SRRM4: variants seen among roughly 807,000 people sequenced by gnomAD.
SRRM4 encodes the protein serine/arginine repetitive matrix 4, also known as serine/arginine repetitive matrix protein 4.
A neutral mutation model predicts 68.9 loss-of-function variants in SRRM4; 33 were observed. The observed-to-expected ratio is 0.48, with a 90% confidence interval of 0.36 to 0.64. The LOEUF (loss-of-function observed/expected upper bound fraction) is 0.64. Among genes scored for constraint, SRRM4 ranks in the 30% least tolerant of loss-of-function variants. The pLI is 0.00. For synonymous variants in SRRM4, 318 were observed against 318.8 expected (o/e 1.00, Z 0.03); for missense variants, 817 against 827.1 (o/e 0.99, Z 0.15).
rs552963757 is a variant in SRRM4 at position 119,081,417 on chromosome 12, C to T, written c.132-20819C>T. On this transcript the variant is annotated intron_variant, in intron 1 of 12. Transcript: ENST00000267260. ...AGTGTTCTAGGCAGTGGGAACAGCC[C>T]GTGCAAAACTCCTGAGGCAGGAGTG... Among the ~76,000 whole-genome samples, 7 of 152,136 alleles carry T rather than the reference C, an allele frequency of 4.6e-5. 1 individual carries two copies. The highest frequency in any genetic ancestry group is 2.1e-4 in the South Asian group (1 of 4,818).
At chr12:119,098,790 A>G (rs1292623332) in intron 1 of SRRM4, among the ~76,000 whole-genome samples, 1 of 151,966 alleles carries the variant, frequency 6.6e-6, no homozygotes, top group Non-Finnish European at 1.5e-5. Context: ...CTCCTGTCTT[A>G]CTCTCTTACT....
At chr12:119,010,210 G>A (rs1594025240) in intron 1 of SRRM4, among the ~76,000 whole-genome samples, 3 of 152,110 alleles carry the variant, frequency 2.0e-5, no homozygotes, top group South Asian at 4.2e-4. Context: ...CCACCACCAC[G>A]CCCGGCTAAT....
chr12:119,130,739 T>C lies in SRRM4; in HGVS notation c.676T>C (p.Ser226Pro). Residue 226 changes from serine to proline, a missense_variant, in exon 8 of 13, where the codon TCC becomes CCC. Physicochemically the swap from Ser to Pro is moderately conservative, Grantham distance 74. Coordinates refer to ENST00000267260, the MANE Select transcript of SRRM4 (RefSeq NM_194286.4). The stretch of plus-strand genomic sequence containing the variant: ...CCGCCGAAGGCACTCCCGCCGCTGC[T>C]CCAAGACCCTCTGCAAGGACAGCCC... The part of the protein sequence containing the change: ...KSRRRHSRRC[S>P]KTLCKDSPEA... 1.2e-6 allele frequency: 2 copies of C among 1,611,404 alleles called. No individual in the cohort carries two copies. Among genetic ancestry groups the C allele is most frequent in the East Asian group, 2.2e-5 (1 of 44,834 alleles).
intron 1 of SRRM4, among the ~76,000 whole-genome samples, chr12:119,077,153 T>G (rs1263937124): frequency 3.3e-5 from 5 of 152,200 alleles, no homozygotes; most frequent in African/African-American, 1.2e-4. Context: ...TTATTTTATG[T>G]TGAAAGCTAC....
intron 1 of SRRM4, chr12:119,037,063 C>T (rs1953632641): frequency 6.6e-6 from 1 of 152,116 alleles, no homozygotes; most frequent in Non-Finnish European, 1.5e-5. Flanking sequence ...AAACACAAGA[C>T]CAAGAGAGGT....
chr12:119,144,564 T>C (rs1034588871), intron 8 of SRRM4: 21 of 152,184 alleles, frequency 1.4e-4, no homozygotes, highest in Non-Finnish European at 1.0e-4. Flanking sequence ...GGTAAGTGGA[T>C]ATAATCCGCA....
intron 1 of SRRM4, among the ~76,000 whole-genome samples, chr12:119,086,676 T>C (rs922690303): frequency 2.0e-5 from 3 of 152,210 alleles, no homozygotes; most frequent in Admixed American, 6.5e-5. Context: ...GGTGCACAGC[T>C]TTCTGGTTGT....
intron 8 of SRRM4, among the ~76,000 whole-genome samples, chr12:119,143,475 C>T (rs1365297103): frequency 1.3e-5 from 2 of 152,164 alleles, no homozygotes; most frequent in Admixed American, 1.3e-4. Flanking sequence ...GGTCAACATA[C>T]CTTCAAAATG....
chr12:119,038,824 T>G (rs751075184), intron 1 of SRRM4, among the ~76,000 whole-genome samples: 6 of 152,210 alleles, frequency 3.9e-5, no homozygotes, highest in Admixed American at 1.3e-4. Context: ...CAGCTATTTG[T>G]AGAAAGCTGT....
chr12:119,008,805 T>C (rs1031316486), intron 1 of SRRM4, among the ~76,000 whole-genome samples: 7 of 151,830 alleles, frequency 4.6e-5, no homozygotes, highest in Non-Finnish European at 1.0e-4. Context: ...CTCCACCAGC[T>C]CTCCGGCCTT....
At chr12:119,028,661 A>G (rs1400101239) in intron 1 of SRRM4, among the ~76,000 whole-genome samples, 2 of 152,172 alleles carry the variant, frequency 1.3e-5, no homozygotes, top group Non-Finnish European at 2.9e-5. Flanking sequence ...CAATGGACAA[A>G]TTCCAGAGCC....
At chr12:119,100,520 C>T (rs961722329) in intron 1 of SRRM4, among the ~76,000 whole-genome samples, 2 of 151,908 alleles carry the variant, frequency 1.3e-5, no homozygotes, top group African/African-American at 4.8e-5. Context: ...ATTCAACAAG[C>T]CCTATTTTTA....
At chr12:118,997,871 C>T (rs1366260489) in intron 1 of SRRM4, among the ~76,000 whole-genome samples, 1 of 152,104 alleles carries the variant, frequency 6.6e-6, no homozygotes, top group Non-Finnish European at 1.5e-5. Context: ...CACTATGTGC[C>T]TTCTTCAAGG....
At chr12:119,028,302 A>T (rs1212570042) in intron 1 of SRRM4, among the ~76,000 whole-genome samples, 1 of 152,030 alleles carries the variant, frequency 6.6e-6, no homozygotes, top group Non-Finnish European at 1.5e-5. Flanking sequence ...CCCCACCCAA[A>T]TCTCATCTTG....
At chr12:118,993,210 A>G (rs1953328217) in intron 1 of SRRM4, among the ~76,000 whole-genome samples, 1 of 152,004 alleles carries the variant, frequency 6.6e-6, no homozygotes, top group Middle Eastern at 3.2e-3. Flanking sequence ...AAGATTTCTG[A>G]CCCCAAAGAG....
At position 119,162,837 on chromosome 12, in the gene SRRM4, C is replaced by G. The variant is rs1350504309; in HGVS notation, c.*6039C>G. ...ATGAGCCCAGCTCAGCCTGACCAGA[C>G]AGCCTCTGCCTGGAGCATTCACATC... On this transcript the variant is annotated 3_prime_UTR_variant, in exon 13 of 13. Transcript: ENST00000267260. 1 of 152,262 alleles carries G rather than the reference C, an allele frequency of 6.6e-6. No homozygotes were observed. Among genetic ancestry groups the G allele is most frequent in the Non-Finnish European group, 1.5e-5 (1 of 68,092 alleles). The allele number at this position is 152,262 out of a possible 1,614,324, so 9.4% of individuals were successfully genotyped here.
intron 8 of SRRM4, among the ~76,000 whole-genome samples, chr12:119,136,505 A>G (rs4767789): frequency 0.37 from 56,855 of 151,888 alleles, 10,909 homozygotes; most frequent in Admixed American, 0.45. Flanking sequence ...TTTAATGGGA[A>G]GTGACATAGC....
At chr12:119,012,802 C>T (rs1475119593) in intron 1 of SRRM4, among the ~76,000 whole-genome samples, 1 of 152,172 alleles carries the variant, frequency 6.6e-6, no homozygotes, top group East Asian at 1.9e-4. Flanking sequence ...TTCCGCTTTT[C>T]TTGTCTCTAT....
intron 1 of SRRM4, among the ~76,000 whole-genome samples, chr12:119,082,321 C>G (rs947004531): frequency 3.9e-5 from 6 of 152,178 alleles, no homozygotes; most frequent in African/African-American, 1.4e-4. Flanking sequence ...CTCCACCACG[C>G]TGGCCTCATC....
Sources: allele counts gnomAD v4.1 joint callset (sites outside exome capture counted in the v4.1 genomes callset), GRCh38; gene constraint gnomAD v4.1.1; transcripts MANE v1.5; gene names NCBI Gene and HGNC (gene_info 2026-07-23, HGNC 2026-07-21).